The following ZNF75A variants were observed in gnomAD, a reference collection of about 807,000 sequenced individuals.
ZNF75A encodes the protein zinc finger protein 75A.
ZNF75A carries 36 observed loss-of-function variants against 46.3 expected under a neutral mutation model. That is an observed-to-expected ratio of 0.78 (90% CI 0.60 to 1.03). The LOEUF (loss-of-function observed/expected upper bound fraction) is 1.03. Ranked by LOEUF, ZNF75A falls within the 50% of genes least tolerant of loss-of-function variation. The pLI is 0.00. For missense variants in ZNF75A, 595 were observed against 551.3 expected (o/e 1.08, Z -0.79); for synonymous variants, 234 against 189.9 (o/e 1.23, Z -1.91).
chr16:3,312,252 C>G (rs1465780116), intron 3 of ZNF75A: 1 of 152,200 alleles, frequency 6.6e-6, no homozygotes, highest in South Asian at 2.1e-4. Context: ...CCACTTCATC[C>G]TTGTAAAATA....
At chr16:3,317,061 G>C in intron 6 of ZNF75A, 39 bp downstream of exon 6, 1 of 1,576,372 alleles carries the variant, frequency 6.3e-7, no homozygotes, top group Non-Finnish European at 8.7e-7. Flanking sequence ...GTGCCTTGAT[G>C]TGAACTTTTG....
At position 3,305,650 on chromosome 16, in the gene ZNF75A, G is replaced by A. The variant is rs1960138620; in HGVS notation, c.-117+7G>A. 6.6e-6 allele frequency: 1 copy of A among 152,238 alleles called. No individual in the cohort carries two copies. Among genetic ancestry groups the A allele is most frequent in the Admixed American group, 6.5e-5 (1 of 15,290 alleles). The allele number at this position is 152,238 out of a possible 1,614,324, so 9.4% of individuals were successfully genotyped here. A position where few individuals can be genotyped will look rare whatever the true frequency, so the allele number is the denominator to read the frequency against. ...GGAAGCCAAGCTGGCCGAGGTAACC[G>A]AGAAGCGGCTTCCCCTATGGCTTCG... On this transcript the variant is annotated splice_region_variant and intron_variant, in intron 1 of 6. Coordinates refer to ENST00000669516, the MANE Select transcript of ZNF75A (RefSeq NM_001302109.2).
rs543047956 is a variant in ZNF75A at position 3,315,199 on chromosome 16, T to G, written c.824-1713T>G. 4.8e-5 allele frequency: 32 copies of G among 671,442 alleles called. No individual in the cohort carries two copies. The East Asian group carries it at 1.5e-3, about 31-fold the overall frequency. The allele number at this position is 671,442 out of a possible 1,614,324, so 41.6% of individuals were successfully genotyped here. A position where few individuals can be genotyped will look rare whatever the true frequency, so the allele number is the denominator to read the frequency against. Reference sequence around the variant, plus strand: ...CAAAGTACTGTCATGTTTTTTTTTTTTTTTTTTTTTGAGATGGAGCCTCGC... The same window carrying G: ...CAAAGTACTGTCATGTTTTTTTTTTGTTTTTTTTTTGAGATGGAGCCTCGC... On this transcript the variant is annotated intron_variant, in intron 5 of 6. Transcript: ENST00000669516.
chr16:3,305,790 C>T (rs1313971966), intron 1 of ZNF75A, 147 bp downstream of exon 1: 1 of 152,250 alleles, frequency 6.6e-6, no homozygotes, highest in Non-Finnish European at 1.5e-5. Flanking sequence ...CACCGTCGGG[C>T]ACGAGAAACC....
chr16:3,317,513 C>T lies in ZNF75A; in HGVS notation c.1258C>T (p.His420Tyr). The change falls in exon 7 of 7, where the codon CAC (histidine) becomes TAC (tyrosine). Residue 420 changes from histidine to tyrosine, a missense_variant. Physicochemically the swap from His to Tyr is moderately conservative, Grantham distance 83. Transcript: ENST00000669516. ...CAGAGTTAGCTCTGACCTTATTAAG[C>T]ACCAAAGAATTCACACTGAAGAGAA... ...TFRVSSDLIK[H>Y]QRIHTEEKPY... The T allele has an allele frequency of 6.2e-7, 1 of 1,613,956 alleles. No homozygotes were observed. The highest frequency in any genetic ancestry group is 8.5e-7 in the Non-Finnish European group (1 of 1,179,984).
At chr16:3,310,760 A>G (rs1403784404) in intron 2 of ZNF75A, 2 of 985,302 alleles carry the variant, frequency 2.0e-6, no homozygotes, top group East Asian at 2.3e-4. Flanking sequence ...AAATGCACTG[A>G]TGGGTAATGT....
At position 3,310,331 on chromosome 16, in the gene ZNF75A, C is replaced by G. The variant is rs535213589; in HGVS notation, c.409-1422C>G. On this transcript the variant is annotated intron_variant, in intron 2 of 6. Transcript: ENST00000669516. ...ATGGCTTGAACTCGGGAGGCAGAGG[C>G]TGCAGTGAGCTGAGATTGCACCACT... is the stretch of plus-strand genomic sequence containing the variant. Among the ~76,000 whole-genome samples, 5 of 151,460 alleles carry G rather than the reference C, an allele frequency of 3.3e-5. No individual in the cohort carries two copies. In the East Asian group the frequency reaches 5.8e-4, roughly 18 times the overall value.
downstream of ZNF75A, among the ~76,000 whole-genome samples, chr16:3,321,718 A>G (rs542613902): frequency 1.5e-3 from 224 of 152,186 alleles, 2 homozygotes; most frequent in African/African-American, 5.1e-3. Context: ...ATCCTCCTGC[A>G]TTGGCCTCCC....
At position 3,313,154 on chromosome 16, in the gene ZNF75A, T is replaced by C. The variant is rs1441802009; in HGVS notation, c.802T>C (p.Tyr268His). The C allele has an allele frequency of 6.2e-7, 1 of 1,613,982 alleles. No individual in the cohort carries two copies. The highest frequency in any genetic ancestry group is 8.5e-7 in the Non-Finnish European group (1 of 1,179,970). ...ALYNDVMQEN[Y>H]ETVISLALFV... is the part of the protein sequence containing the mutation. ...CTACAATGATGTAATGCAGGAAAAC[T>C]ATGAGACTGTCATCTCTCTAGGTAA... Residue 268 changes from tyrosine to histidine, a missense_variant, in exon 5 of 7, where the codon TAT becomes CAT. Transcript: ENST00000669516.
At chr16:3,318,883 C>A (rs1332596288), downstream of ZNF75A, 3 of 966,386 alleles carry the variant, frequency 3.1e-6, no homozygotes, top group African/African-American at 5.3e-5. Context: ...AGCAAATCTA[C>A]ATCCATGTTG....
downstream of ZNF75A, chr16:3,322,966 A>G (rs1452206781): frequency 5.1e-6 from 5 of 983,370 alleles, no homozygotes; most frequent in East Asian, 5.7e-4. Context: ...GAGGCAGCCA[A>G]TGTAGAAAAT....
downstream of ZNF75A, among the ~76,000 whole-genome samples, chr16:3,321,956 A>G (rs556045713): frequency 2.5e-4 from 38 of 152,322 alleles, no homozygotes; most frequent in East Asian, 5.8e-3. Flanking sequence ...GTAACAAAAG[A>G]TGGGAGTTCA....
At chr16:3,313,625 A>T (rs1348811253) in intron 5 of ZNF75A, among the ~76,000 whole-genome samples, 2 of 152,338 alleles carry the variant, frequency 1.3e-5, no homozygotes, top group Non-Finnish European at 2.9e-5. Flanking sequence ...AGCCAGTGTC[A>T]TCTTGAACCA....
At chr16:3,319,288 T>C (rs1366956650), downstream of ZNF75A, among the ~76,000 whole-genome samples, 2 of 152,162 alleles carry the variant, frequency 1.3e-5, no homozygotes, top group Non-Finnish European at 2.9e-5. Flanking sequence ...TAATTTTTTG[T>C]ATTTTTAGTA....
chr16:3,320,679 C>T (rs548967455), downstream of ZNF75A, among the ~76,000 whole-genome samples: 30 of 152,280 alleles, frequency 2.0e-4, no homozygotes, highest in African/African-American at 6.7e-4. Flanking sequence ...ACAAAACAGG[C>T]ATTGCTATTG....
Position 3,318,773 on chromosome 16 carries a change from C to T in ZNF75A, c.*904C>T. The T allele has an allele frequency of 4.1e-6, 4 of 985,406 alleles. No individual in the cohort carries two copies. The highest frequency in any genetic ancestry group is 1.7e-5 in the African/African-American group (1 of 57,322). 61.0% of individuals were successfully genotyped at this position (985,406 alleles called of 1,614,324 possible). The stretch of plus-strand genomic sequence containing the variant: ...GAGTGTGTGTGCTGCAGGCAGGATC[C>T]TGTGGCTCATTTGGCATGGAGACCT... On this transcript the variant is annotated 3_prime_UTR_variant, in exon 7 of 7. Transcript: ENST00000669516.
rs1960968593 is a variant in ZNF75A at position 3,313,530 on chromosome 16, C to T, written c.823+355C>T. ...TTGTCATCATACCCCACTGTTAATT[C>T]ATTAGCAAGTTTTCTTAGCTTTACT... is the stretch of plus-strand genomic sequence containing the variant. On this transcript the variant is annotated intron_variant, in intron 5 of 6. Transcript: ENST00000669516. Among the ~76,000 whole-genome samples the T allele has an allele frequency of 2.0e-5, 3 of 152,308 alleles. No homozygotes were observed. The South Asian group carries it at 6.2e-4, about 32-fold the overall frequency.
intron 5 of ZNF75A, chr16:3,315,154 A>T: frequency 1.3e-6 from 1 of 768,514 alleles, no homozygotes; most frequent in Non-Finnish European, 1.6e-6. Context: ...CATCAGCATT[A>T]TCCAGTTGCT....
intron 1 of ZNF75A, chr16:3,307,445 C>G (rs995270122): frequency 2.2e-4 from 34 of 152,182 alleles, no homozygotes; most frequent in African/African-American, 7.5e-4. Flanking sequence ...GTATTTTGAT[C>G]TCACCGTCTC....
Sources: gnomAD v4.1 joint callset for allele counts (sites outside exome capture counted in the v4.1 genomes callset) on GRCh38, gnomAD v4.1.1 for gene constraint, MANE v1.5 for transcripts, NCBI Gene and HGNC (gene_info 2026-07-23, HGNC 2026-07-21) for gene names.